The following LINGO2 variants were observed in gnomAD, a reference collection of about 807,000 sequenced individuals.
LINGO2 encodes leucine rich repeat and Ig domain containing 2.
A neutral mutation model predicts 30.6 loss-of-function variants in LINGO2; 14 were observed. The ratio of observed to expected loss-of-function variants is 0.46; its 90% CI spans 0.30 to 0.72. LINGO2 has a LOEUF of 0.72. Ranked by LOEUF, LINGO2 falls within the 30% of genes least tolerant of loss-of-function variation. The probability of loss-of-function intolerance (pLI) is 0.07; values close to 1 mark genes in which losing one functional copy is unlikely to be tolerated. For missense variants in LINGO2, 729 were observed against 751.7 expected (o/e 0.97, Z 0.35); for synonymous variants, 317 against 288.5 (o/e 1.10, Z -1.00).
the LINGO2 span, among the ~76,000 whole-genome samples, chr9:28,715,469 T>C: frequency 6.6e-6 from 1 of 152,248 alleles, no homozygotes; most frequent in South Asian, 2.1e-4. Flanking sequence ...TGTACACTTA[T>C]AATGTACAGT....
At chr9:28,226,235 C>A (rs1821138651) in intron 4 of LINGO2, among the ~76,000 whole-genome samples, 1 of 152,060 alleles carries the variant, frequency 6.6e-6, no homozygotes, top group South Asian at 2.1e-4. Context: ...GTGGTTGTTT[C>A]AGGTTCTACC....
At chr9:28,643,838 G>GA (rs1011657493) in intron 1 of LINGO2, among the ~76,000 whole-genome samples, 6 of 151,768 alleles carry the variant, frequency 4.0e-5, no homozygotes, top group African/African-American at 1.5e-4. Flanking sequence ...CAACTCTATA[G>GA]AAAAAAACAT....
Position 28,440,819 on chromosome 9 carries a change from G to T in LINGO2, c.-279+35121C>A, listed in dbSNP as rs888618989. 7.9e-5 allele frequency among the ~76,000 whole-genome samples: 12 copies of T among 152,174 alleles called. No homozygotes were observed. In the East Asian group the frequency reaches 1.7e-3, roughly 22 times the overall value. ...AGAATATTTTATTTCTATCAGTTAT[G>T]CAAATGAGAGCAAAGCATTTTAAAG... On this transcript the variant is annotated intron_variant, in intron 2 of 5. Coordinates refer to ENST00000379992, the Ensembl canonical transcript of LINGO2.
At chr9:28,593,447 T>G (rs1238899363) in intron 1 of LINGO2, among the ~76,000 whole-genome samples, 1 of 152,086 alleles carries the variant, frequency 6.6e-6, no homozygotes, top group East Asian at 1.9e-4. Flanking sequence ...TCTTACTCAC[T>G]TCCAGTGATC....
At chr9:28,813,054 T>A in the LINGO2 span, among the ~76,000 whole-genome samples, 2 of 137,014 alleles carry the variant, frequency 1.5e-5, no homozygotes, top group Admixed American at 1.6e-4. Context: ...TTTGGAATTC[T>A]ATAGCCTACT....
At chr9:27,964,947 A>C (rs1409640355) in intron 5 of LINGO2, among the ~76,000 whole-genome samples, 1 of 152,020 alleles carries the variant, frequency 6.6e-6, no homozygotes, top group Non-Finnish European at 1.5e-5. Context: ...CATGGAAAAA[A>C]CTCATTTGCC....
At chr9:28,909,444 G>T in the LINGO2 span, among the ~76,000 whole-genome samples, 5 of 151,956 alleles carry the variant, frequency 3.3e-5, no homozygotes, top group African/African-American at 9.6e-5. Context: ...TTAGTAATAG[G>T]TTTTTTAAAA....
chr9:28,763,363 T>C, the LINGO2 span, among the ~76,000 whole-genome samples: 1 of 151,992 alleles, frequency 6.6e-6, no homozygotes, highest in Non-Finnish European at 1.5e-5. Flanking sequence ...AGAATGAAAC[T>C]AGAAATCAGT....
At chr9:28,864,815 G>GAA in the LINGO2 span, among the ~76,000 whole-genome samples, 2 of 151,400 alleles carry the variant, frequency 1.3e-5, no homozygotes, top group Non-Finnish European at 3.0e-5. Flanking sequence ...ATGTATGTAT[G>GAA]AAAAAAAAAT....
chr9:28,386,936 T>C (rs576156753), intron 2 of LINGO2, among the ~76,000 whole-genome samples: 1 of 152,298 alleles, frequency 6.6e-6, no homozygotes, highest in Non-Finnish European at 1.5e-5. Context: ...AGTAAGAATG[T>C]TTGTAAACAC....
chr9:28,722,464 A>T, the LINGO2 span, among the ~76,000 whole-genome samples: 2 of 152,104 alleles, frequency 1.3e-5, no homozygotes, highest in African/African-American at 4.8e-5. Flanking sequence ...AACCATACCC[A>T]ATGTGAATTT....
the LINGO2 span, among the ~76,000 whole-genome samples, chr9:29,086,712 G>C: frequency 1.3e-5 from 2 of 152,174 alleles, no homozygotes; most frequent in East Asian, 3.9e-4. Context: ...CCAAACATAA[G>C]TATCTTCTCA....
chr9:28,631,911 AAC>A (rs1377825977), intron 1 of LINGO2, among the ~76,000 whole-genome samples: 2 of 152,214 alleles, frequency 1.3e-5, no homozygotes, highest in Non-Finnish European at 2.9e-5. Context: ...AGCTACTATG[AAC>A]CAGGCAATTT....
At chr9:28,589,639 A>G (rs912273896) in intron 1 of LINGO2, among the ~76,000 whole-genome samples, 4 of 152,114 alleles carry the variant, frequency 2.6e-5, no homozygotes, top group African/African-American at 7.2e-5. Context: ...CCACTGCTCA[A>G]TGAAATAAAA....
intron 1 of LINGO2, among the ~76,000 whole-genome samples, chr9:28,604,366 T>C (rs1825616227): frequency 6.6e-6 from 1 of 152,106 alleles, no homozygotes; most frequent in Admixed American, 6.6e-5. Context: ...TAGGGAAGCC[T>C]AATCTTTGCT....
At chr9:28,537,486 A>C (rs562456107) in intron 1 of LINGO2, among the ~76,000 whole-genome samples, 7 of 152,260 alleles carry the variant, frequency 4.6e-5, no homozygotes, top group African/African-American at 1.7e-4. Context: ...GACTGTGGTA[A>C]ACAAGGTTGC....
At chr9:28,797,359 T>TATATAGAGAGAGAGAGAGAG in the LINGO2 span, among the ~76,000 whole-genome samples, 13 of 34,212 alleles carry the variant, frequency 3.8e-4, no homozygotes, top group South Asian at 2.0e-3. Flanking sequence ...TATATATATA[T>TATATAGAGAGAGAGAGAGAG]AGAGAGAGAG....
chr9:28,944,563 G>A, the LINGO2 span, among the ~76,000 whole-genome samples: 7 of 151,842 alleles, frequency 4.6e-5, no homozygotes, highest in Non-Finnish European at 1.0e-4. Context: ...CTGCCACCAC[G>A]CCTGGCTAAT....
rs567348529 is a variant in LINGO2 at position 27,994,966 on chromosome 9, A to G, written c.-36+17389T>C. On this transcript the variant is annotated intron_variant, in intron 5 of 5. Transcript: ENST00000379992. ...TGCCTTCAATGAATTCTTTTTGGCT[A>G]AATTAGTCACTTGGCAGAATACTTT... Among the ~76,000 whole-genome samples, 8 of 152,272 alleles carry G rather than the reference A, an allele frequency of 5.3e-5. No homozygotes were observed. In the South Asian group the frequency reaches 8.3e-4, roughly 16 times the overall value.
Sources: allele counts gnomAD v4.1 joint callset (sites outside exome capture counted in the v4.1 genomes callset), GRCh38; gene constraint gnomAD v4.1.1; transcripts MANE v1.5; gene names NCBI Gene and HGNC (gene_info 2026-07-23, HGNC 2026-07-21).